The following GALNT10 variants were observed in gnomAD, a reference collection of about 807,000 sequenced individuals.
GALNT10 encodes polypeptide N-acetylgalactosaminyltransferase 10.
In GALNT10, 41 loss-of-function variants were observed where a neutral mutation model predicts 75.0. The observed-to-expected ratio is 0.55, with a 90% CI of 0.43 to 0.71. GALNT10 has a LOEUF of 0.71. Among genes scored for constraint, GALNT10 ranks in the 30% least tolerant of loss-of-function variants. The probability of loss-of-function intolerance (pLI) is 0.00; values close to 1 mark genes in which losing one functional copy is unlikely to be tolerated. For missense variants in GALNT10, 727 were observed against 818.5 expected (o/e 0.89, Z 1.36); for synonymous variants, 302 against 313.0 (o/e 0.96, Z 0.37).
Position 154,221,115 on chromosome 5 carries a change from A to G in GALNT10, c.159+30090A>G, listed in dbSNP as rs530209180. Among the ~76,000 whole-genome samples, 35 of 152,272 alleles carry G rather than the reference A, an allele frequency of 2.3e-4. No individual in the cohort carries two copies. The South Asian group carries it at 3.7e-3, about 16-fold the overall frequency. ...TGAAATAGGTAGGGATTTTCCTCCT[A>G]TTCAACAGATGGGCAAGTCAGGACA... On this transcript the variant is annotated intron_variant, in intron 1 of 11. Transcript: ENST00000297107.
intron 1 of GALNT10, among the ~76,000 whole-genome samples, chr5:154,229,715 A>G (rs1402623493): frequency 6.6e-6 from 1 of 152,212 alleles, no homozygotes; most frequent in Non-Finnish European, 1.5e-5. Context: ...CCTGGGCGAC[A>G]GAGTGAGACT....
intron 1 of GALNT10, among the ~76,000 whole-genome samples, chr5:154,248,874 G>A (rs1176394377): frequency 1.3e-5 from 2 of 152,232 alleles, no homozygotes; most frequent in African/African-American, 4.8e-5. Flanking sequence ...AGTCAGAGCG[G>A]GAGAGGTTGA....
chr5:154,362,465 A>G (rs1241024437), intron 4 of GALNT10, among the ~76,000 whole-genome samples: 3 of 152,206 alleles, frequency 2.0e-5, no homozygotes, highest in Non-Finnish European at 4.4e-5. Context: ...GGGGAAAATT[A>G]CAGGGGTAGA....
chr5:154,281,345 C>T (rs1035242686), intron 1 of GALNT10, among the ~76,000 whole-genome samples: 16 of 152,074 alleles, frequency 1.1e-4, no homozygotes, highest in South Asian at 4.1e-4. Flanking sequence ...CATCAGTTTT[C>T]GATGTTTCAT....
intron 4 of GALNT10, chr5:154,337,892 T>A (rs1754968624): frequency 7.8e-7 from 1 of 1,287,642 alleles, no homozygotes; most frequent in African/African-American, 1.4e-5. Flanking sequence ...TTGACAGGGC[T>A]TTCCTAACTT....
intron 1 of GALNT10, among the ~76,000 whole-genome samples, chr5:154,235,598 C>T (rs1753233658): frequency 1.3e-5 from 2 of 152,124 alleles, no homozygotes; most frequent in Non-Finnish European, 2.9e-5. Flanking sequence ...AACCTATGAC[C>T]TTCTTCTGGA....
intron 1 of GALNT10, among the ~76,000 whole-genome samples, chr5:154,261,320 G>C (rs1002512912): frequency 4.6e-5 from 7 of 152,140 alleles, no homozygotes; most frequent in Non-Finnish European, 1.0e-4. Flanking sequence ...GAGAAACGGA[G>C]CTCCAGAGCA....
At chr5:154,370,567 C>A (rs1375084376) in intron 4 of GALNT10, among the ~76,000 whole-genome samples, 2 of 152,104 alleles carry the variant, frequency 1.3e-5, no homozygotes, top group African/African-American at 4.8e-5. Flanking sequence ...GGGCAGAGAA[C>A]CTGAGGCTGA....
intron 4 of GALNT10, among the ~76,000 whole-genome samples, chr5:154,369,586 G>C (rs933616682): frequency 2.0e-5 from 3 of 152,154 alleles, no homozygotes; most frequent in Non-Finnish European, 2.9e-5. Flanking sequence ...GTTTACTAAC[G>C]TGTACCCTCC....
intron 4 of GALNT10, among the ~76,000 whole-genome samples, chr5:154,365,071 C>T (rs151290669): frequency 6.6e-6 from 1 of 152,310 alleles, no homozygotes; most frequent in East Asian, 1.9e-4. Flanking sequence ...ATTAAAAGTG[C>T]AGACAGGGCT....
chr5:154,299,599 G>A (rs1296499971), intron 3 of GALNT10, among the ~76,000 whole-genome samples: 1 of 152,278 alleles, frequency 6.6e-6, no homozygotes, highest in East Asian at 1.9e-4. Context: ...AACATGTTTG[G>A]CAGCTTACAA....
chr5:154,307,268 A>G (rs2113090230), intron 3 of GALNT10, among the ~76,000 whole-genome samples: 1 of 152,334 alleles, frequency 6.6e-6, no homozygotes, highest in East Asian at 1.9e-4. Flanking sequence ...CCCATAAAGA[A>G]AACTTTAGGC....
intron 1 of GALNT10, among the ~76,000 whole-genome samples, chr5:154,256,037 CAG>C (rs1416474270): frequency 6.6e-6 from 1 of 152,100 alleles, no homozygotes; most frequent in Non-Finnish European, 1.5e-5. Flanking sequence ...GGGAGGTTGA[CAG>C]AGGAGAAGCC....
intron 1 of GALNT10, among the ~76,000 whole-genome samples, chr5:154,227,356 T>A (rs1411334755): frequency 6.6e-6 from 1 of 152,250 alleles, no homozygotes; most frequent in African/African-American, 2.4e-5. Context: ...CTAATATGTA[T>A]GTGGTGATAT....
intron 3 of GALNT10, among the ~76,000 whole-genome samples, chr5:154,308,540 G>A (rs6890748): frequency 0.4 from 60,725 of 152,110 alleles, 12,585 homozygotes; most frequent in Middle Eastern, 0.44. Context: ...GTGCATCCCT[G>A]TCGGAGACCC....
At chr5:154,393,222 C>T (rs1755945116) in intron 7 of GALNT10, among the ~76,000 whole-genome samples, 3 of 152,062 alleles carry the variant, frequency 2.0e-5, no homozygotes, top group African/African-American at 7.2e-5. Context: ...TACAGGTCTA[C>T]ACCACCACTC....
chr5:154,281,093 C>T, intron 1 of GALNT10, among the ~76,000 whole-genome samples: 1 of 152,148 alleles, frequency 6.6e-6, no homozygotes, highest in East Asian at 1.9e-4. Flanking sequence ...GGCATTTTTC[C>T]AGGTCTGTTG....
intron 1 of GALNT10, among the ~76,000 whole-genome samples, chr5:154,197,674 T>C (rs1389074344): frequency 6.6e-6 from 1 of 152,218 alleles, no homozygotes; most frequent in African/African-American, 2.4e-5. Context: ...AAAATGATAC[T>C]GATCCAAAGA....
intron 10 of GALNT10, among the ~76,000 whole-genome samples, chr5:154,415,076 T>C (rs543572437): frequency 2.0e-5 from 3 of 152,156 alleles, no homozygotes; most frequent in East Asian, 3.9e-4. Context: ...TGAGCCAAGA[T>C]TGCACCATTG....
Sources: allele counts gnomAD v4.1 joint callset (sites outside exome capture counted in the v4.1 genomes callset), GRCh38; gene constraint gnomAD v4.1.1; transcripts MANE v1.5; gene names NCBI Gene and HGNC (gene_info 2026-07-23, HGNC 2026-07-21).